The following ZNF385D variants were observed in gnomAD, a reference collection of about 807,000 sequenced individuals.
ZNF385D encodes zinc finger protein 385D, also known as zinc finger protein 659.
A neutral mutation model predicts 35.8 loss-of-function variants in ZNF385D; 15 were observed. The observed-to-expected ratio is 0.42, with a 90% confidence interval of 0.28 to 0.64. ZNF385D has a LOEUF of 0.64. Ranked by LOEUF, ZNF385D falls within the 30% of genes least tolerant of loss-of-function variation. The pLI, the probability that ZNF385D is intolerant of heterozygous loss-of-function variation, is 0.23. For synonymous variants in ZNF385D, 212 were observed against 186.8 expected, an observed-to-expected ratio of 1.13 and a Z score of -1.10; for missense variants, 474 against 494.6, an observed-to-expected ratio of 0.96 and a Z score of 0.39.
chr3:22,047,244 T>G (rs1699058744), intron 3 of ZNF385D, among the ~76,000 whole-genome samples: 1 of 152,100 alleles, frequency 6.6e-6, no homozygotes, highest in South Asian at 2.1e-4. Flanking sequence ...ATACTTTTTT[T>G]TTGTGGTGGT....
intron 3 of ZNF385D, among the ~76,000 whole-genome samples, chr3:21,919,480 TC>T (rs1700350682): frequency 6.6e-6 from 1 of 152,152 alleles, no homozygotes; most frequent in South Asian, 2.1e-4. Context: ...TATATGTAAA[TC>T]ATATCTCAAT....
chr3:22,200,439 A>C (rs1241637808), intron 2 of ZNF385D, among the ~76,000 whole-genome samples: 1 of 152,068 alleles, frequency 6.6e-6, no homozygotes, highest in Admixed American at 6.6e-5. Flanking sequence ...GGAGTATACA[A>C]ATAGGGTGTG....
At chr3:22,229,073 A>T (rs1211037491) in intron 2 of ZNF385D, among the ~76,000 whole-genome samples, 1 of 152,030 alleles carries the variant, frequency 6.6e-6, no homozygotes, top group Non-Finnish European at 1.5e-5. Flanking sequence ...GTGAATCAAT[A>T]CTCCTTAATA....
chr3:21,623,758 G>A (rs2065066588), intron 2 of ZNF385D, among the ~76,000 whole-genome samples: 1 of 152,020 alleles, frequency 6.6e-6, no homozygotes, highest in African/African-American at 2.4e-5. Flanking sequence ...AGATACCACA[G>A]CAGTTTTGCT....
intron 2 of ZNF385D, among the ~76,000 whole-genome samples, chr3:22,366,873 T>C (rs929265958): frequency 1.3e-5 from 2 of 152,100 alleles, no homozygotes; most frequent in African/African-American, 4.8e-5. Context: ...AAGAAGGCAG[T>C]GAAGACAAAG....
chr3:21,940,508 G>C (rs1268869464), intron 3 of ZNF385D, among the ~76,000 whole-genome samples: 1 of 152,180 alleles, frequency 6.6e-6, no homozygotes, highest in African/African-American at 2.4e-5. Context: ...CAACATTCAA[G>C]TCAACAAAGT....
chr3:21,468,010 A>C (rs1255553803), intron 4 of ZNF385D, among the ~76,000 whole-genome samples: 1 of 152,212 alleles, frequency 6.6e-6, no homozygotes, highest in Non-Finnish European at 1.5e-5. Flanking sequence ...TCTTTGAAAA[A>C]AAGATTGGCA....
intron 3 of ZNF385D, among the ~76,000 whole-genome samples, chr3:21,887,519 T>C (rs1250635363): frequency 3.9e-5 from 6 of 152,258 alleles, no homozygotes; most frequent in Admixed American, 3.3e-4. Flanking sequence ...TTAAACATTT[T>C]AAAAATTATT....
At chr3:21,649,143 T>C (rs1302745747) in intron 2 of ZNF385D, among the ~76,000 whole-genome samples, 1 of 152,154 alleles carries the variant, frequency 6.6e-6, no homozygotes, top group Admixed American at 6.6e-5. Flanking sequence ...CTGATTTAAT[T>C]GCATACTGAC....
chr3:21,718,823 T>A (rs2068426415), intron 1 of ZNF385D, among the ~76,000 whole-genome samples: 1 of 152,250 alleles, frequency 6.6e-6, no homozygotes, highest in Admixed American at 6.5e-5. Context: ...TGAATCAATT[T>A]TTAAAATGAT....
At chr3:21,890,272 T>G (rs559886888) in intron 3 of ZNF385D, among the ~76,000 whole-genome samples, 1 of 152,246 alleles carries the variant, frequency 6.6e-6, no homozygotes, top group South Asian at 2.1e-4. Context: ...AAGTTTTCCT[T>G]AAGACTAAAA....
chr3:21,461,332 T>C (rs544412), intron 4 of ZNF385D, among the ~76,000 whole-genome samples: 151,002 of 152,214 alleles, frequency 0.99, 74,906 homozygotes, highest in East Asian at 1. Flanking sequence ...GGGAGGATCA[T>C]GAGGTTAGGA....
chr3:22,165,845 T>A (rs1353330904), intron 3 of ZNF385D, among the ~76,000 whole-genome samples: 1 of 152,172 alleles, frequency 6.6e-6, no homozygotes, highest in Non-Finnish European at 1.5e-5. Context: ...TTAAATTAAC[T>A]ATTAAGGATT....
At chr3:22,146,349 A>G (rs924637039) in intron 3 of ZNF385D, among the ~76,000 whole-genome samples, 6 of 152,160 alleles carry the variant, frequency 3.9e-5, no homozygotes, top group African/African-American at 1.4e-4. Flanking sequence ...GGTATTTCCC[A>G]TTACCATCAT....
chr3:21,964,484 T>A (rs371524674), intron 3 of ZNF385D, among the ~76,000 whole-genome samples: 1,119 of 100,692 alleles, frequency 0.011, 48 homozygotes, highest in African/African-American at 0.045. Flanking sequence ...TTTTTTTTTT[T>A]TTTTTTTTTT....
chr3:22,140,268 T>C lies in ZNF385D; in HGVS notation c.325+28549A>G, dbSNP rs150086240. 6.6e-5 allele frequency among the ~76,000 whole-genome samples: 10 copies of C among 152,284 alleles called. No homozygotes were observed. In the East Asian group the frequency reaches 1.9e-3, roughly 29 times the overall value. ...GCAATAAAAAGGAACAGATTATTGA[T>C]AACACAACATAGATCTTAAATTCAT... On this transcript the variant is annotated intron_variant, in intron 3 of 5. Transcript: ENST00000494108.
intron 3 of ZNF385D, among the ~76,000 whole-genome samples, chr3:22,101,528 T>C (rs773060612): frequency 1.3e-5 from 2 of 152,058 alleles, no homozygotes; most frequent in Non-Finnish European, 2.9e-5. Context: ...GATTGCAAAA[T>C]AGCATATTAT....
intron 3 of ZNF385D, among the ~76,000 whole-genome samples, chr3:21,840,170 T>C (rs984730170): frequency 2.0e-5 from 3 of 152,088 alleles, no homozygotes; most frequent in African/African-American, 7.2e-5. Flanking sequence ...ACTGAATTTG[T>C]ATTTCAGTGA....
chr3:21,969,705 A>T (rs1703127420), intron 3 of ZNF385D, among the ~76,000 whole-genome samples: 1 of 151,846 alleles, frequency 6.6e-6, no homozygotes, highest in Non-Finnish European at 1.5e-5. Context: ...CTTTAAGTGA[A>T]CACGGGCAGT....
Sources: gnomAD v4.1 joint callset for allele counts (sites outside exome capture counted in the v4.1 genomes callset) on GRCh38, gnomAD v4.1.1 for gene constraint, MANE v1.5 for transcripts, NCBI Gene and HGNC (gene_info 2026-07-23, HGNC 2026-07-21) for gene names.